ACCSL: variants seen among roughly 807,000 people sequenced by gnomAD.
The protein encoded by ACCSL is 1-aminocyclopropane-1-carboxylate synthase homolog (inactive) like.
Under a neutral mutation model 61.7 loss-of-function variants are expected in ACCSL, and 55 were observed. That is an observed-to-expected ratio of 0.89 (90% CI 0.72 to 1.12). ACCSL has a LOEUF of 1.12. ACCSL is among the 50% of genes most tolerant of loss of function. The pLI, the probability that ACCSL is intolerant of heterozygous loss-of-function variation, is 0.00. For missense variants in ACCSL, 632 were observed against 698.0 expected, an observed-to-expected ratio of 0.91 and a Z score of 1.07; for synonymous variants, 258 against 264.3, an observed-to-expected ratio of 0.98 and a Z score of 0.23.
chr11:43,969,791 C>T, the ACCSL span, among the ~76,000 whole-genome samples: 1 of 152,148 alleles, frequency 6.6e-6, no homozygotes, highest in Non-Finnish European at 1.5e-5. Context: ...GTTATTTCCT[C>T]CCTCACTGGA....
At chr11:44,058,523 T>C in intron 12 of ACCSL, 23 bp from the exon 13 acceptor site, 3 of 1,614,000 alleles carry the variant, frequency 1.9e-6, no homozygotes, top group Non-Finnish European at 2.5e-6. Context: ...TTGGGCTCAG[T>C]TCTGTTCCTC....
At chr11:43,993,845 T>C in the ACCSL span, among the ~76,000 whole-genome samples, 1 of 152,216 alleles carries the variant, frequency 6.6e-6, no homozygotes, top group Non-Finnish European at 1.5e-5. Flanking sequence ...GCTGCAGCGA[T>C]TGGGCGGTGA....
At chr11:44,020,377 G>A in the ACCSL span, among the ~76,000 whole-genome samples, 1 of 152,234 alleles carries the variant, frequency 6.6e-6, no homozygotes, top group East Asian at 1.9e-4. Context: ...AATAGAAATG[G>A]TGAGAGCAGA....
chr11:44,035,338 C>T, the ACCSL span, among the ~76,000 whole-genome samples: 1 of 152,020 alleles, frequency 6.6e-6, no homozygotes, highest in African/African-American at 2.4e-5. Flanking sequence ...TCAATAAATA[C>T]TTGTTGAGTG....
chr11:44,015,452 G>T, the ACCSL span, among the ~76,000 whole-genome samples: 40 of 152,300 alleles, frequency 2.6e-4, 1 homozygote, highest in African/African-American at 9.1e-4. Context: ...CTACCAGAGA[G>T]AAGAAATAGG....
In ACCSL at chr11:44,058,319, T is replaced by C; in HGVS notation, c.1330T>C (p.Trp444Arg). 4 of 1,614,172 alleles carry C rather than the reference T, an allele frequency of 2.5e-6. No individual in the cohort carries two copies. Among genetic ancestry groups the C allele is most frequent in the Non-Finnish European group, 3.4e-6 (4 of 1,180,032 alleles). ...KLCQLLQNTE[W>R]IDKVYLPTNC... is the part of the protein sequence containing the mutation. ...GTGTTTTTCCTCTACCCATCCAGAA[T>C]GGATTGACAAAGTATACCTACCCAC... Residue 444 changes from tryptophan to arginine, a missense_variant and splice_region_variant, in exon 12 of 14, where the codon TGG becomes CGG. Physicochemically the swap from Trp to Arg is moderately radical, Grantham distance 101. Transcript: ENST00000378832.
the ACCSL span, among the ~76,000 whole-genome samples, chr11:44,037,198 G>A: frequency 9.8e-4 from 149 of 152,310 alleles, 2 homozygotes; most frequent in East Asian, 3.3e-3. Flanking sequence ...TGCTTTTGGA[G>A]CAGAGATGCC....
chr11:44,024,867 G>A, the ACCSL span, among the ~76,000 whole-genome samples: 82,972 of 151,878 alleles, frequency 0.55, 22,982 homozygotes, highest in Admixed American at 0.6. Context: ...GGGGCTGTTT[G>A]TTGGGTGCAT....
chr11:44,050,175 T>C, intron 2 of ACCSL, 54 bp downstream of exon 2: 1 of 1,476,084 alleles, frequency 6.8e-7, no homozygotes. Context: ...TTAGTCCCCC[T>C]AGCGTGCTCC....
At chr11:43,952,506 T>C in the ACCSL span, among the ~76,000 whole-genome samples, 4,400 of 152,342 alleles carry the variant, frequency 0.029, 73 homozygotes, top group Middle Eastern at 0.044. Flanking sequence ...TAACCAGTTA[T>C]GTTATCTATA....
chr11:43,959,235 C>T, the ACCSL span, among the ~76,000 whole-genome samples: 1 of 152,178 alleles, frequency 6.6e-6, no homozygotes, highest in African/African-American at 2.4e-5. Flanking sequence ...CCTAGGCCTG[C>T]AGACTGTGAG....
At chr11:43,943,321 G>A in the ACCSL span, 1 of 1,433,174 alleles carries the variant, frequency 7.0e-7, no homozygotes, top group Non-Finnish European at 9.1e-7. This position sits in a 1 kb window ranked among gnomAD's most constrained non-coding sequence, Gnocchi z 4.8. Flanking sequence ...TCCGCGCGGG[G>A]ACCGGCGTGT....
At chr11:43,946,581 A>G in the ACCSL span, among the ~76,000 whole-genome samples, 2 of 152,084 alleles carry the variant, frequency 1.3e-5, no homozygotes, top group African/African-American at 4.8e-5. Context: ...TCTACATGCT[A>G]TTTTTCAACC....
the ACCSL span, among the ~76,000 whole-genome samples, chr11:44,010,120 C>T: frequency 7.9e-5 from 12 of 152,262 alleles, no homozygotes; most frequent in African/African-American, 2.9e-4. Context: ...GTGGGGGGAT[C>T]ACCTGAGGTC....
chr11:43,924,918 G>A, the ACCSL span: 1 of 156,628 alleles, frequency 6.4e-6, no homozygotes. Context: ...GAGAGAGGAG[G>A]GGAGCCCCAC....
At chr11:43,936,872 A>G in the ACCSL span, among the ~76,000 whole-genome samples, 3 of 151,564 alleles carry the variant, frequency 2.0e-5, no homozygotes, top group African/African-American at 7.3e-5. Flanking sequence ...GGGAGGTTCA[A>G]TTTCCCCACC....
the ACCSL span, among the ~76,000 whole-genome samples, chr11:44,028,447 G>A: frequency 3.9e-5 from 6 of 152,126 alleles, no homozygotes; most frequent in Non-Finnish European, 8.8e-5. Context: ...CTTGAAATGT[G>A]GCTAATATGA....
chr11:44,020,197 T>G, the ACCSL span, among the ~76,000 whole-genome samples: 1 of 152,220 alleles, frequency 6.6e-6, no homozygotes, highest in Non-Finnish European at 1.5e-5. Context: ...ACTTGTTGCA[T>G]GTTTATTAGC....
At chr11:43,991,724 G>A in the ACCSL span, among the ~76,000 whole-genome samples, 6 of 152,258 alleles carry the variant, frequency 3.9e-5, no homozygotes, top group South Asian at 1.0e-3. Flanking sequence ...AACCCAGGAG[G>A]CAAAGGCTGC....
Sources: gnomAD v4.1 joint callset for allele counts (sites outside exome capture counted in the v4.1 genomes callset) on GRCh38, gnomAD v4.1.1 for gene constraint, Gnocchi (gnomAD v3.1) non-coding constraint, MANE v1.5 for transcripts, NCBI Gene and HGNC (gene_info 2026-07-23, HGNC 2026-07-21) for gene names.